The following SFXN5 variants were observed in gnomAD, a reference collection of about 807,000 sequenced individuals.
SFXN5 encodes sideroflexin-5.
In SFXN5, 43 loss-of-function variants were observed where a neutral mutation model predicts 50.2. The ratio of observed to expected loss-of-function variants is 0.86; its 90% CI spans 0.67 to 1.11. The LOEUF is 1.11. Ranked by LOEUF, SFXN5 falls within the 50% of genes least tolerant of loss-of-function variation. SFXN5 has a pLI of 0.00. For missense variants in SFXN5, 463 were observed against 454.1 expected, an observed-to-expected ratio of 1.02 and a Z score of -0.18; for synonymous variants, 203 against 185.8, an observed-to-expected ratio of 1.09 and a Z score of -0.75.
intron 3 of SFXN5, among the ~76,000 whole-genome samples, chr2:73,035,945 A>G (rs900800675): frequency 2.6e-5 from 4 of 152,242 alleles, no homozygotes; most frequent in Non-Finnish European, 1.5e-5. Context: ...CCTGGAGGTC[A>G]GGTTAGATGA....
At chr2:72,997,059 G>A (rs928595644) in intron 9 of SFXN5, 3 of 152,206 alleles carry the variant, frequency 2.0e-5, no homozygotes, top group African/African-American at 4.8e-5. Context: ...CTCCTGCTGG[G>A]CTGCAGGACA....
At chr2:73,070,570 T>C (rs534812403) in intron 1 of SFXN5, 44 of 152,374 alleles carry the variant, frequency 2.9e-4, no homozygotes, top group African/African-American at 1.0e-3. Context: ...TGTTTCCTAA[T>C]AAATTCCGTC....
intron 1 of SFXN5, among the ~76,000 whole-genome samples, chr2:73,065,544 G>A (rs1341192303): frequency 1.3e-5 from 2 of 152,122 alleles, no homozygotes; most frequent in African/African-American, 2.4e-5. Flanking sequence ...GATTATAGGC[G>A]CCTGCCACCA....
At chr2:72,955,051 G>C (rs1429953730) in intron 13 of SFXN5, among the ~76,000 whole-genome samples, 3 of 152,200 alleles carry the variant, frequency 2.0e-5, no homozygotes, top group African/African-American at 7.2e-5. Context: ...TTGGGGCCAC[G>C]GGACAGCCCC....
intron 12 of SFXN5, among the ~76,000 whole-genome samples, chr2:72,967,534 C>A (rs908591982): frequency 6.6e-6 from 1 of 152,120 alleles, no homozygotes; most frequent in Non-Finnish European, 1.5e-5. Context: ...TAATAAATGT[C>A]GCTTGTTATT....
At chr2:72,969,053 C>T (rs751467336) in intron 11 of SFXN5, among the ~76,000 whole-genome samples, 6 of 152,110 alleles carry the variant, frequency 3.9e-5, no homozygotes, top group Admixed American at 1.3e-4. Flanking sequence ...GGTGATCCGC[C>T]CGCCTCAGCA....
At chr2:73,021,441 G>C (rs1676877241) in intron 5 of SFXN5, among the ~76,000 whole-genome samples, 1 of 152,198 alleles carries the variant, frequency 6.6e-6, no homozygotes, top group South Asian at 2.1e-4. Flanking sequence ...CAGAGATCAT[G>C]CTACTGCACT....
chr2:73,012,550 G>A (rs1370875807), intron 6 of SFXN5, among the ~76,000 whole-genome samples: 2 of 151,346 alleles, frequency 1.3e-5, no homozygotes, highest in African/African-American at 2.4e-5. Flanking sequence ...TATTGTTCAT[G>A]TATGAAAGAG....
intron 1 of SFXN5, among the ~76,000 whole-genome samples, chr2:73,066,918 C>CTGGTT (rs1256436170): frequency 6.6e-6 from 1 of 152,060 alleles, no homozygotes; most frequent in Non-Finnish European, 1.5e-5. Flanking sequence ...GGTGGCACAC[C>CTGGTT]CCTGTAGTTC....
chr2:73,034,012 G>C (rs1574179403), intron 3 of SFXN5, among the ~76,000 whole-genome samples: 2 of 152,226 alleles, frequency 1.3e-5, no homozygotes, highest in Non-Finnish European at 2.9e-5. Flanking sequence ...CCCTGGAGCA[G>C]AGGAACAAAC....
chr2:73,030,123 AAAAAAC>A (rs1367283118), intron 3 of SFXN5, among the ~76,000 whole-genome samples: 1 of 152,010 alleles, frequency 6.6e-6, no homozygotes, highest in Non-Finnish European at 1.5e-5. Flanking sequence ...AACGAACAAA[AAAAAAC>A]AAAAACAAAA....
intron 3 of SFXN5, 73 bp from the exon 4 acceptor site, chr2:73,023,287 C>T (rs1166218541): frequency 6.9e-7 from 1 of 1,448,970 alleles, no homozygotes; most frequent in East Asian, 2.5e-5. Flanking sequence ...GGCTTCCAAC[C>T]CATGTTTTCT....
chr2:73,025,986 A>C (rs1574153999), intron 3 of SFXN5, among the ~76,000 whole-genome samples: 3 of 152,192 alleles, frequency 2.0e-5, no homozygotes, highest in African/African-American at 7.2e-5. Context: ...CACCACAGGC[A>C]GGAGGATGGA....
In SFXN5 at chr2:72,973,270, C is replaced by A. The variant is rs865865838; in HGVS notation, c.626-1585G>T. On this transcript the variant is annotated intron_variant, in intron 10 of 13. Transcript: ENST00000272433. The surrounding 1 kb of genome is among the most constrained non-coding windows in gnomAD (Gnocchi z 5.5). The stretch of plus-strand genomic sequence containing the variant: ...CGCTCAGTGCAGTGGAAACCATGGG[C>A]AGTCCCTCTGTGTCCCGGGCTCTCC... The A allele has an allele frequency of 1.4e-4, 24 of 167,778 alleles. 1 individual carries two copies. In the Middle Eastern group the frequency reaches 0.015, roughly 103 times the overall value. 10.4% of individuals were successfully genotyped at this position (167,778 alleles called of 1,614,324 possible).
chr2:72,963,616 G>A (rs532802905), intron 12 of SFXN5, among the ~76,000 whole-genome samples: 66 of 152,144 alleles, frequency 4.3e-4, no homozygotes, highest in Non-Finnish European at 7.9e-4. Context: ...AGAGATGTGC[G>A]AATGCCTGGG....
intron 9 of SFXN5, chr2:72,996,757 G>A (rs1230013668): frequency 6.6e-6 from 1 of 152,138 alleles, no homozygotes. Flanking sequence ...CCCCAGGCCT[G>A]CAGGTGAAGG....
chr2:73,029,986 C>T (rs1329108233), intron 3 of SFXN5, among the ~76,000 whole-genome samples: 2 of 152,094 alleles, frequency 1.3e-5, no homozygotes, highest in East Asian at 3.9e-4. Context: ...GAAGGAGAAT[C>T]GCCTGAGCCC....
Position 73,008,053 on chromosome 2 carries a change from G to A in SFXN5, c.358-6475C>T, listed in dbSNP as rs192318174. On this transcript the variant is annotated intron_variant, in intron 6 of 13. Coordinates refer to ENST00000272433, the MANE Select transcript of SFXN5 (RefSeq NM_144579.3). Reference sequence around the variant, plus strand: ...TAAATGTGCAAAAAAGCAGAGGAGGGATGAGGCGGCTTGGGAGATGTCAGG... The same window carrying A: ...TAAATGTGCAAAAAAGCAGAGGAGGAATGAGGCGGCTTGGGAGATGTCAGG... 5.0e-3 allele frequency among the ~76,000 whole-genome samples: 766 copies of A among 152,274 alleles called. 3 individuals are homozygous for A. The highest frequency in any genetic ancestry group is 0.017 in the Middle Eastern group (5 of 292).
chr2:73,054,674 T>C (rs1681858084), intron 2 of SFXN5, among the ~76,000 whole-genome samples: 1 of 152,210 alleles, frequency 6.6e-6, no homozygotes, highest in Admixed American at 6.5e-5. Flanking sequence ...CGTCTCCCTC[T>C]ACCATGTCTC....
Sources: allele counts gnomAD v4.1 joint callset (sites outside exome capture counted in the v4.1 genomes callset), GRCh38; gene constraint gnomAD v4.1.1; non-coding constraint Gnocchi (gnomAD v3.1); transcripts MANE v1.5; gene names NCBI Gene and HGNC (gene_info 2026-07-23, HGNC 2026-07-21).